EFNA2: variants seen among roughly 807,000 people sequenced by gnomAD.
EFNA2 encodes ephrin-A2.
In EFNA2, 18 loss-of-function variants were observed where a neutral mutation model predicts 19.7. The ratio of observed to expected loss-of-function variants is 0.91; its 90% CI spans 0.63 to 1.35. The LOEUF (loss-of-function observed/expected upper bound fraction) is 1.35. EFNA2 is among the 40% of genes most tolerant of loss of function. EFNA2 has a pLI of 0.00. For synonymous variants in EFNA2, 187 were observed against 137.8 expected (o/e 1.36, Z -2.50); for missense variants, 303 against 296.0 (o/e 1.02, Z -0.17).
rs948584335 is a variant in EFNA2, at chr19:1,300,047, T to G, written c.*102T>G. ...TGCGGCCCCCGCCTCCGAGACCAAA[T>G]AGAGACGCTGCTTCTCCCTCGCCTG... is the stretch of plus-strand genomic sequence containing the variant. On this transcript the variant is annotated 3_prime_UTR_variant, in exon 4 of 4. Coordinates refer to ENST00000215368, the MANE Select transcript of EFNA2 (RefSeq NM_001405.4). 1 of 1,403,442 alleles carries G rather than the reference T, an allele frequency of 7.1e-7. No individual in the cohort carries two copies. The allele number at this position is 1,403,442 out of a possible 1,614,324, so 86.9% of individuals were successfully genotyped here. A position where few individuals can be genotyped will look rare whatever the true frequency, so the allele number is the denominator to read the frequency against.
chr19:1,293,708 A>C (rs2081501753), intron 1 of EFNA2, among the ~76,000 whole-genome samples: 3 of 152,226 alleles, frequency 2.0e-5, no homozygotes, highest in Admixed American at 1.3e-4. Flanking sequence ...CTGTCCCTGG[A>C]CGAATCCAAC....
In EFNA2 at chr19:1,287,367, G is replaced by A. The variant is rs985713727; in HGVS notation, c.140+1059G>A. The stretch of plus-strand genomic sequence containing the variant: ...CCTAAGGCACACGGAGCTGCACATC[G>A]GGGGCTGAGGCGGCCCCCCCCCACT... On this transcript the variant is annotated intron_variant, in intron 1 of 3. Transcript: ENST00000215368. The surrounding 1 kb of genome is among the most constrained non-coding windows in gnomAD (Gnocchi z 6.2). 1.3e-5 allele frequency among the ~76,000 whole-genome samples: 2 copies of A among 152,106 alleles called. No individual in the cohort carries two copies. The highest frequency in any genetic ancestry group is 1.9e-4 in the East Asian group (1 of 5,190).
chr19:1,289,104 C>T (rs1374551249), intron 1 of EFNA2, among the ~76,000 whole-genome samples: 2 of 152,204 alleles, frequency 1.3e-5, no homozygotes, highest in Admixed American at 6.5e-5. Context: ...CATCCGGCTG[C>T]AGGTTACATG....
In EFNA2 at chr19:1,295,675, C is replaced by T. The variant is rs1011707206; in HGVS notation, c.271C>T (p.Leu91=). 6.2e-6 allele frequency: 10 copies of T among 1,611,190 alleles called. No individual in the cohort carries two copies. The highest frequency in any genetic ancestry group is 3.3e-5 in the South Asian group (3 of 90,806). The stretch of plus-strand genomic sequence containing the variant: ...GGCCGAGCGCATGGAGCACTACGTG[C>T]TGTACATGGTCAACGGCGAGGGCCA... ...PPAERMEHYV[L]YMVNGEGHAS... is the part of the protein sequence containing the mutation. Residue 91 remains leucine, a synonymous_variant, in exon 2 of 4, where the codon CTG becomes TTG. Transcript: ENST00000215368. The surrounding 1 kb of genome is among the most constrained non-coding windows in gnomAD (Gnocchi z 5.8).
chr19:1,299,600 G>A (rs1411746297), intron 3 of EFNA2, among the ~76,000 whole-genome samples: 79 of 140,396 alleles, frequency 5.6e-4, no homozygotes, highest in Non-Finnish European at 1.0e-3. Context: ...AAAAAAAAAA[G>A]ATTAAAAGAG....
At chr19:1,290,264 C>T (rs535899863) in intron 1 of EFNA2, among the ~76,000 whole-genome samples, 1 of 152,150 alleles carries the variant, frequency 6.6e-6, no homozygotes, top group African/African-American at 2.4e-5. Flanking sequence ...TGCCGAGGCA[C>T]CATGGTCTCT....
At position 1,295,858 on chromosome 19, in the gene EFNA2, T is replaced by A. The variant is rs2081512147; in HGVS notation, c.454T>A (p.Ser152Thr). The A allele has an allele frequency of 6.3e-7, 1 of 1,575,396 alleles. No homozygotes were observed. The highest frequency in any genetic ancestry group is 2.4e-5 in the East Asian group (1 of 41,944). ...FRPGHEYYYI[S>T]ATPPNAVDRP... ...GCCCGGCCACGAGTATTACTACATCTGTGAGTGGGGTCGGGCCGGGGCTGC... is the reference window on the plus strand; with the variant it reads ...GCCCGGCCACGAGTATTACTACATCAGTGAGTGGGGTCGGGCCGGGGCTGC... Residue 152 changes from serine to threonine, a missense_variant and splice_region_variant, in exon 2 of 4, where the codon TCT becomes ACT. Coordinates refer to ENST00000215368, the MANE Select transcript of EFNA2 (RefSeq NM_001405.4). The surrounding 1 kb of genome is among the most constrained non-coding windows in gnomAD (Gnocchi z 5.8).
intron 1 of EFNA2, among the ~76,000 whole-genome samples, chr19:1,292,442 G>A (rs772799991): frequency 1.3e-5 from 2 of 152,222 alleles, no homozygotes; most frequent in South Asian, 4.1e-4. Flanking sequence ...TGTATGCAGG[G>A]CCTGTGTAGG....
At position 1,295,977 on chromosome 19, in the gene EFNA2, G is replaced by T; in HGVS notation, c.454+119G>T. On this transcript the variant is annotated intron_variant, in intron 2 of 3. Coordinates refer to ENST00000215368, the MANE Select transcript of EFNA2 (RefSeq NM_001405.4). The surrounding 1 kb of genome is among the most constrained non-coding windows in gnomAD (Gnocchi z 5.8). ...GGGAGTGGGCGGGGCAGCGCAGTGG[G>T]CGGGGCCGCGGTGTGGGGCCAGGGG... 1.0e-6 allele frequency: 1 copy of T among 973,320 alleles called. No homozygotes were observed. The highest frequency in any genetic ancestry group is 2.4e-5 in the South Asian group (1 of 41,440). The allele number at this position is 973,320 out of a possible 1,614,324, so 60.3% of individuals were successfully genotyped here.
In EFNA2 at chr19:1,300,041, A is replaced by G; in HGVS notation, c.*96A>G. The G allele has an allele frequency of 7.0e-7, 1 of 1,436,656 alleles. No homozygotes were observed. Among genetic ancestry groups the G allele is most frequent in the Non-Finnish European group, 9.2e-7 (1 of 1,091,254 alleles). The allele number at this position is 1,436,656 out of a possible 1,614,324, so 89.0% of individuals were successfully genotyped here. ...CCCGGCTGCGGCCCCCGCCTCCGAG[A>G]CCAAATAGAGACGCTGCTTCTCCCT... On this transcript the variant is annotated 3_prime_UTR_variant, in exon 4 of 4. Transcript: ENST00000215368.
In EFNA2 at chr19:1,287,625, G is replaced by A. The variant is rs745729871; in HGVS notation, c.140+1317G>A. On this transcript the variant is annotated intron_variant, in intron 1 of 3. Coordinates refer to ENST00000215368, the MANE Select transcript of EFNA2 (RefSeq NM_001405.4). The surrounding 1 kb of genome is among the most constrained non-coding windows in gnomAD (Gnocchi z 6.2). ...GGCCCACCCCCCACCCTGGTCAACG[G>A]CCTCGGGTCGGGCCCTGGGGGCTGA... is the stretch of plus-strand genomic sequence containing the variant. 5.0e-4 allele frequency among the ~76,000 whole-genome samples: 76 copies of A among 152,166 alleles called. No homozygotes were observed. The highest frequency in any genetic ancestry group is 9.6e-4 in the Non-Finnish European group (65 of 67,962).
chr19:1,299,532 G>A (rs1301129059), intron 3 of EFNA2, among the ~76,000 whole-genome samples: 1 of 151,542 alleles, frequency 6.6e-6, no homozygotes, highest in Non-Finnish European at 1.5e-5. Flanking sequence ...CGCCAGCCTG[G>A]CGACGGTGAG....
intron 1 of EFNA2, among the ~76,000 whole-genome samples, chr19:1,293,637 C>T (rs1042621750): frequency 7.0e-6 from 1 of 143,420 alleles, no homozygotes; most frequent in African/African-American, 2.8e-5. Flanking sequence ...CCCTGCAACA[C>T]GCCCTCCCAT....
chr19:1,298,663 T>C (rs776825615), intron 3 of EFNA2, 47 bp downstream of exon 3: 2 of 1,601,970 alleles, frequency 1.2e-6, no homozygotes, highest in South Asian at 2.2e-5. Flanking sequence ...CACCCCTGTG[T>C]CCTAAACCCA....
chr19:1,295,066 T>G lies in EFNA2; in HGVS notation c.141-479T>G, dbSNP rs993037733. ...CGCTGCTGGCCCTGCCGTGGGGCTG[T>G]TGGGGACACTGAGGCAGGAGGTGGG... is the stretch of plus-strand genomic sequence containing the variant. On this transcript the variant is annotated intron_variant, in intron 1 of 3. Coordinates refer to ENST00000215368, the MANE Select transcript of EFNA2 (RefSeq NM_001405.4). The surrounding 1 kb of genome is among the most constrained non-coding windows in gnomAD (Gnocchi z 5.8). 5.9e-5 allele frequency among the ~76,000 whole-genome samples: 9 copies of G among 152,030 alleles called. No individual in the cohort carries two copies. Among genetic ancestry groups the G allele is most frequent in the Non-Finnish European group, 1.3e-4 (9 of 67,982 alleles).
At chr19:1,289,467 G>A (rs1387415354) in intron 1 of EFNA2, among the ~76,000 whole-genome samples, 2 of 152,196 alleles carry the variant, frequency 1.3e-5, no homozygotes, top group African/African-American at 4.8e-5. Context: ...TGGCAACCCC[G>A]CTGTTGGCCC....
intron 1 of EFNA2, among the ~76,000 whole-genome samples, chr19:1,289,940 T>C (rs551051368): frequency 3.9e-5 from 6 of 151,930 alleles, no homozygotes; most frequent in African/African-American, 9.6e-5. Flanking sequence ...CCACTCGGCA[T>C]TGGGGGCGCT....
At chr19:1,288,670 G>A (rs1162830552) in intron 1 of EFNA2, among the ~76,000 whole-genome samples, 3 of 152,116 alleles carry the variant, frequency 2.0e-5, no homozygotes, top group Admixed American at 1.3e-4. Context: ...GTGCCCAGGC[G>A]ATGACTGTGT....
At chr19:1,292,620 G>C (rs2081496684) in intron 1 of EFNA2, among the ~76,000 whole-genome samples, 1 of 152,212 alleles carries the variant, frequency 6.6e-6, no homozygotes, top group African/African-American at 2.4e-5. Context: ...CGGGAGGCTG[G>C]TGTGGCTGGA....
Sources: gnomAD v4.1 joint callset for allele counts (sites outside exome capture counted in the v4.1 genomes callset) on GRCh38, gnomAD v4.1.1 for gene constraint, Gnocchi (gnomAD v3.1) non-coding constraint, MANE v1.5 for transcripts, NCBI Gene and HGNC (gene_info 2026-07-23, HGNC 2026-07-21) for gene names.